The following ACTR3B variants were observed in gnomAD, a reference collection of about 807,000 sequenced individuals.
The protein encoded by ACTR3B is actin-related protein 3B.
ACTR3B carries 8 observed loss-of-function variants against 59.0 expected under a neutral mutation model. The observed-to-expected ratio is 0.14, with a 90% CI of 0.08 to 0.24. The LOEUF is 0.24. Among genes scored for constraint, ACTR3B ranks in the 10% least tolerant of loss-of-function variants. ACTR3B has a pLI of 1.00. For missense variants in ACTR3B, 245 were observed against 552.3 expected, an observed-to-expected ratio of 0.44 and a Z score of 5.58; for synonymous variants, 148 against 197.9, an observed-to-expected ratio of 0.75 and a Z score of 2.12.
chr7:152,832,125 G>C (rs1451427131), intron 9 of ACTR3B, among the ~76,000 whole-genome samples: 1 of 152,158 alleles, frequency 6.6e-6, no homozygotes, highest in Non-Finnish European at 1.5e-5. Flanking sequence ...AGGAAGCCGG[G>C]AGAGGAGAGA....
chr7:152,790,856 G>C (rs2098193215), intron 2 of ACTR3B, among the ~76,000 whole-genome samples: 1 of 152,100 alleles, frequency 6.6e-6, no homozygotes, highest in African/African-American at 2.4e-5. Flanking sequence ...TAAGTCCTTA[G>C]ATACAGTCTT....
chr7:152,774,668 G>GA (rs1268198870), intron 1 of ACTR3B, among the ~76,000 whole-genome samples: 5 of 150,114 alleles, frequency 3.3e-5, no homozygotes, highest in African/African-American at 7.3e-5. Flanking sequence ...GTAACATAGA[G>GA]AAAAAAAAAG....
intron 2 of ACTR3B, among the ~76,000 whole-genome samples, chr7:152,783,783 T>C (rs2098162554): frequency 1.3e-5 from 2 of 151,758 alleles, no homozygotes; most frequent in African/African-American, 4.8e-5. Flanking sequence ...CCGAGGTTAG[T>C]CGGTTGTTAA....
chr7:152,842,597 G>A lies in ACTR3B; in HGVS notation c.952-9529G>A, dbSNP rs552461860. ...CTGTTTCCGGCTTCCTTCACTCGGT[G>A]CTTTTGAGGTGTGCATGTCATTTGA... On this transcript the variant is annotated intron_variant, in intron 9 of 11. Coordinates refer to ENST00000256001, the MANE Select transcript of ACTR3B (RefSeq NM_020445.6). Among the ~76,000 whole-genome samples the A allele has an allele frequency of 6.0e-4, 91 of 152,336 alleles. 3 individuals are homozygous for A. In the South Asian group the frequency reaches 0.018, roughly 30 times the overall value.
intron 1 of ACTR3B, among the ~76,000 whole-genome samples, chr7:152,764,698 T>C (rs935666026): frequency 6.6e-6 from 1 of 151,980 alleles, no homozygotes; most frequent in Non-Finnish European, 1.5e-5. Context: ...ATTTTTTGCC[T>C]GAGTATCTGT....
rs767681051 is a variant in ACTR3B at position 152,854,386 on chromosome 7, C to T, written c.1162-72C>T. ...GGCCGGGATGAGGAGAGTGTCTTGCCTGCTTGGTAGCTGGTTCCCTTGACT... is the reference window on the plus strand; with the variant it reads ...GGCCGGGATGAGGAGAGTGTCTTGCTTGCTTGGTAGCTGGTTCCCTTGACT... On this transcript the variant is annotated intron_variant, in intron 11 of 11. Transcript: ENST00000256001. The surrounding 1 kb of genome is among the most constrained non-coding windows in gnomAD (Gnocchi z 4.9). 10 of 1,420,742 alleles carry T rather than the reference C, an allele frequency of 7.0e-6. No homozygotes were observed. Among genetic ancestry groups the T allele is most frequent in the Admixed American group, 1.7e-5 (1 of 59,552 alleles). The allele number at this position is 1,420,742 out of a possible 1,614,324, so 88.0% of individuals were successfully genotyped here.
At chr7:152,783,956 C>T (rs1252396735) in intron 2 of ACTR3B, among the ~76,000 whole-genome samples, 1 of 151,902 alleles carries the variant, frequency 6.6e-6, no homozygotes, top group Non-Finnish European at 1.5e-5. Context: ...TGGGTGTGGT[C>T]GCAAGTACCT....
intron 4 of ACTR3B, among the ~76,000 whole-genome samples, chr7:152,809,731 C>T (rs544924916): frequency 1.6e-4 from 24 of 151,962 alleles, no homozygotes; most frequent in Middle Eastern, 3.4e-3. Context: ...TTAGTAGAGA[C>T]GGGGTTTCAC....
intron 3 of ACTR3B, among the ~76,000 whole-genome samples, chr7:152,800,951 AG>A (rs1473383553): frequency 1.3e-5 from 2 of 152,292 alleles, no homozygotes; most frequent in Admixed American, 1.3e-4. Context: ...CTGTCAGATG[AG>A]GGAAAATTGC....
intron 9 of ACTR3B, among the ~76,000 whole-genome samples, chr7:152,833,344 A>G (rs1467833647): frequency 6.6e-6 from 1 of 152,202 alleles, no homozygotes; most frequent in African/African-American, 2.4e-5. Context: ...TTTTAGACAC[A>G]GATTTGTTCA....
intron 2 of ACTR3B, among the ~76,000 whole-genome samples, chr7:152,787,256 T>G (rs1489264991): frequency 1.3e-5 from 2 of 152,252 alleles, no homozygotes; most frequent in Admixed American, 6.5e-5. Flanking sequence ...AAAAAATTTC[T>G]ATTTCTCAGA....
chr7:152,796,364 A>G (rs2098216583), intron 2 of ACTR3B, among the ~76,000 whole-genome samples: 2 of 151,674 alleles, frequency 1.3e-5, no homozygotes, highest in Admixed American at 1.3e-4. Context: ...CTTCTCTGGA[A>G]TGGTTGTATC....
At chr7:152,784,712 G>A (rs989364503) in intron 2 of ACTR3B, among the ~76,000 whole-genome samples, 7 of 152,266 alleles carry the variant, frequency 4.6e-5, no homozygotes, top group Non-Finnish European at 8.8e-5. Context: ...CTCTCTCCAC[G>A]GCCTGCAGAG....
intron 5 of ACTR3B, among the ~76,000 whole-genome samples, chr7:152,815,129 T>C (rs1412107773): frequency 1.3e-5 from 2 of 151,886 alleles, no homozygotes; most frequent in African/African-American, 2.4e-5. Context: ...ATTATTTGCC[T>C]GCCACCTTAT....
chr7:152,852,290 T>A (rs749311514), intron 10 of ACTR3B, 39 bp downstream of exon 10: 4 of 1,529,588 alleles, frequency 2.6e-6, no homozygotes, highest in Non-Finnish European at 3.5e-6. Context: ...CTGGGGCTAT[T>A]GCCCCAGGCC....
intron 1 of ACTR3B, among the ~76,000 whole-genome samples, chr7:152,773,680 TAAATG>T (rs1209869069): frequency 6.6e-6 from 1 of 152,202 alleles, no homozygotes; most frequent in Non-Finnish European, 1.5e-5. Flanking sequence ...AAAAAAAAAT[TAAATG>T]AAACAAGGGT....
At chr7:152,823,269 C>CT (rs1796322428) in intron 7 of ACTR3B, 73 bp from the exon 8 acceptor site, 1 of 1,578,710 alleles carries the variant, frequency 6.3e-7, no homozygotes, top group Admixed American at 1.8e-5. Flanking sequence ...CATGGGCTTC[C>CT]TGGTTATTTG....
At chr7:152,837,057 T>C (rs1164115330) in intron 9 of ACTR3B, among the ~76,000 whole-genome samples, 1 of 152,232 alleles carries the variant, frequency 6.6e-6, no homozygotes, top group Non-Finnish European at 1.5e-5. Context: ...GCACCTGTAG[T>C]CTCAGCTACT....
At chr7:152,848,207 G>A (rs1798514012) in intron 9 of ACTR3B, among the ~76,000 whole-genome samples, 2 of 152,236 alleles carry the variant, frequency 1.3e-5, no homozygotes, top group South Asian at 4.1e-4. Context: ...GGAAGGATGA[G>A]CTCACCAAGT....
Sources: gnomAD v4.1 joint callset for allele counts (sites outside exome capture counted in the v4.1 genomes callset) on GRCh38, gnomAD v4.1.1 for gene constraint, Gnocchi (gnomAD v3.1) non-coding constraint, MANE v1.5 for transcripts, NCBI Gene and HGNC (gene_info 2026-07-23, HGNC 2026-07-21) for gene names.